SH3GL2: variants seen among roughly 807,000 people sequenced by gnomAD.
SH3GL2 encodes endophilin-A1.
A neutral mutation model predicts 46.0 loss-of-function variants in SH3GL2; 24 were observed. The ratio of observed to expected loss-of-function variants is 0.52; its 90% confidence interval spans 0.38 to 0.73. The LOEUF is 0.73. Ranked by LOEUF, SH3GL2 falls within the 30% of genes least tolerant of loss-of-function variation. The pLI, the probability that SH3GL2 is intolerant of heterozygous loss-of-function variation, is 0.00. For synonymous variants in SH3GL2, 196 were observed against 147.1 expected (o/e 1.33, Z -2.40); for missense variants, 413 against 424.2 (o/e 0.97, Z 0.23).
chr9:17,614,014 C>A (rs1173965973), intron 1 of SH3GL2, among the ~76,000 whole-genome samples: 2 of 151,884 alleles, frequency 1.3e-5, no homozygotes, highest in African/African-American at 4.8e-5. Context: ...TTGTCTCCTT[C>A]TCCTTCTTTG....
intron 1 of SH3GL2, among the ~76,000 whole-genome samples, chr9:17,599,005 A>C (rs1818622882): frequency 2.0e-5 from 3 of 152,242 alleles, no homozygotes. Flanking sequence ...AATAAGTAGT[A>C]CATTGTGGTG....
chr9:17,636,944 G>A (rs771829903), intron 1 of SH3GL2, among the ~76,000 whole-genome samples: 1 of 152,206 alleles, frequency 6.6e-6, no homozygotes, highest in Non-Finnish European at 1.5e-5. Flanking sequence ...CTTCATGTGT[G>A]ATGTGTTGTT....
intron 1 of SH3GL2, among the ~76,000 whole-genome samples, chr9:17,593,908 G>T (rs1399496379): frequency 6.6e-6 from 1 of 152,104 alleles, no homozygotes; most frequent in Non-Finnish European, 1.5e-5. Flanking sequence ...CCCCAGACCA[G>T]TCACTAGTCA....
chr9:17,796,456 A>G lies in SH3GL2; in HGVS notation c.*713A>G, dbSNP rs1267205541. 4 of 152,046 alleles carry G rather than the reference A, an allele frequency of 2.6e-5. No individual in the cohort carries two copies. Among genetic ancestry groups the G allele is most frequent in the African/African-American group, 9.6e-5 (4 of 41,454 alleles). The allele number at this position is 152,046 out of a possible 1,614,324, so 9.4% of individuals were successfully genotyped here. A position where few individuals can be genotyped will look rare whatever the true frequency, so the allele number is the denominator to read the frequency against. On this transcript the variant is annotated 3_prime_UTR_variant, in exon 9 of 9. Transcript: ENST00000380607. ...GAGAGGGACTGAAAAGAAATTCTCC[A>G]TTATGAGGAATTGGGAAGAAATCTG...
At chr9:17,621,766 C>A (rs1819147157) in intron 1 of SH3GL2, among the ~76,000 whole-genome samples, 1 of 152,100 alleles carries the variant, frequency 6.6e-6, no homozygotes, top group Non-Finnish European at 1.5e-5. Flanking sequence ...GAGTTAAAGC[C>A]ATTACATGGA....
At chr9:17,690,057 G>T (rs1821033590) in intron 1 of SH3GL2, among the ~76,000 whole-genome samples, 1 of 152,052 alleles carries the variant, frequency 6.6e-6, no homozygotes. Context: ...CATTCTGTGT[G>T]ACTCTTGGAA....
chr9:17,688,812 A>C (rs1820994287), intron 1 of SH3GL2, among the ~76,000 whole-genome samples: 1 of 152,208 alleles, frequency 6.6e-6, no homozygotes, highest in South Asian at 2.1e-4. Flanking sequence ...CTATGAGTTC[A>C]TACTGATGGA....
chr9:17,749,681 G>A (rs1800222488), intron 2 of SH3GL2, among the ~76,000 whole-genome samples: 1 of 152,144 alleles, frequency 6.6e-6, no homozygotes, highest in African/African-American at 2.4e-5. Flanking sequence ...CAGGAAATTT[G>A]GAGAACTGAG....
intron 1 of SH3GL2, among the ~76,000 whole-genome samples, chr9:17,733,257 T>A (rs35015668): frequency 0.072 from 10,921 of 152,062 alleles, 516 homozygotes; most frequent in Admixed American, 0.13. Flanking sequence ...TCTCTTTTTT[T>A]AAATTTTTTT....
chr9:17,778,376 C>T (rs1484080020), intron 3 of SH3GL2, among the ~76,000 whole-genome samples: 1 of 152,090 alleles, frequency 6.6e-6, no homozygotes, highest in South Asian at 2.1e-4. Context: ...TACCTAATGT[C>T]AGATGTGATC....
At chr9:17,757,244 C>G (rs113454667) in intron 2 of SH3GL2, among the ~76,000 whole-genome samples, 1 of 152,140 alleles carries the variant, frequency 6.6e-6, no homozygotes, top group African/African-American at 2.4e-5. Flanking sequence ...TAGGCATGGG[C>G]AAGGCATTAG....
At chr9:17,771,157 C>T (rs1823468514) in intron 3 of SH3GL2, among the ~76,000 whole-genome samples, 1 of 152,120 alleles carries the variant, frequency 6.6e-6, no homozygotes. Flanking sequence ...GGCTATTTGC[C>T]CTGTGGCTTT....
At chr9:17,643,364 GA>G (rs1170011233) in intron 1 of SH3GL2, among the ~76,000 whole-genome samples, 1 of 151,910 alleles carries the variant, frequency 6.6e-6, no homozygotes, top group Non-Finnish European at 1.5e-5. Flanking sequence ...CTTCCTATTT[GA>G]ATACCTTTAT....
Position 17,789,538 on chromosome 9 carries a change from C to G in SH3GL2, c.612C>G (p.Leu204=). The change falls in exon 6 of 9, where the codon CTC becomes CTG. Residue 204 remains leucine, a synonymous_variant. Coordinates refer to ENST00000380607, the MANE Select transcript of SH3GL2 (RefSeq NM_003026.5). The part of the protein sequence containing the change: ...KEIAESSMFN[L]LEMDIEQVSQ... ...TTGCTGAGTCAAGCATGTTCAATCT[C>G]TTGGAGATGGATGTAAGTGACTCCT... 1 of 1,613,372 alleles carries G rather than the reference C, an allele frequency of 6.2e-7. No individual in the cohort carries two copies. Among genetic ancestry groups the G allele is most frequent in the South Asian group, 1.1e-5 (1 of 91,056 alleles).
chr9:17,632,332 C>G (rs1203927420), intron 1 of SH3GL2, among the ~76,000 whole-genome samples: 5 of 152,158 alleles, frequency 3.3e-5, no homozygotes. Context: ...TTTGCATTTT[C>G]TTTCCATCTT....
intron 1 of SH3GL2, among the ~76,000 whole-genome samples, chr9:17,622,626 G>T (rs1462700712): frequency 2.0e-5 from 3 of 152,144 alleles, no homozygotes; most frequent in African/African-American, 4.8e-5. Flanking sequence ...AAATGTGGAA[G>T]AATATTAATT....
intron 1 of SH3GL2, among the ~76,000 whole-genome samples, chr9:17,624,381 A>T (rs1454302865): frequency 6.6e-6 from 1 of 152,204 alleles, no homozygotes; most frequent in Non-Finnish European, 1.5e-5. Context: ...AAGTCAGTGC[A>T]AGATTTAGCA....
At chr9:17,703,105 G>T (rs1296756993) in intron 1 of SH3GL2, among the ~76,000 whole-genome samples, 1 of 152,030 alleles carries the variant, frequency 6.6e-6, no homozygotes, top group Non-Finnish European at 1.5e-5. Flanking sequence ...GCTCTTGAAG[G>T]AGGATTCAAC....
intron 1 of SH3GL2, among the ~76,000 whole-genome samples, chr9:17,721,943 T>A (rs993040865): frequency 3.9e-5 from 6 of 152,128 alleles, no homozygotes; most frequent in African/African-American, 7.2e-5. Flanking sequence ...GAGAACCCAG[T>A]GGAGGTGTCC....
Sources: allele counts gnomAD v4.1 joint callset (sites outside exome capture counted in the v4.1 genomes callset), GRCh38; gene constraint gnomAD v4.1.1; transcripts MANE v1.5; gene names NCBI Gene and HGNC (gene_info 2026-07-23, HGNC 2026-07-21).